The following RBFOX1 variants were observed in gnomAD, a reference collection of about 807,000 sequenced individuals.
RBFOX1 encodes RNA binding protein fox-1 homolog 1.
In RBFOX1, 8 loss-of-function variants were observed where a neutral mutation model predicts 57.7. The ratio of observed to expected loss-of-function variants is 0.14; its 90% CI spans 0.08 to 0.25. The LOEUF is 0.25. Ranked by LOEUF, RBFOX1 falls within the 10% of genes least tolerant of loss-of-function variation. The pLI, the probability that RBFOX1 is intolerant of heterozygous loss-of-function variation, is 1.00. For synonymous variants in RBFOX1, 326 were observed against 222.4 expected, an observed-to-expected ratio of 1.47 and a Z score of -4.15; for missense variants, 611 against 548.5, an observed-to-expected ratio of 1.11 and a Z score of -1.14.
rs201343175 is a variant in RBFOX1 at position 6,375,295 on chromosome 16, AAC to A, written c.-64+58240_-64+58241del. ...TTGTTTTGCCAGAGTGGGGAAAAAA[AAC>A]AAAAACAAAAACAAAAACCACCTTC... On this transcript the variant is annotated intron_variant, in intron 2 of 15. Coordinates refer to ENST00000550418, the MANE Select transcript of RBFOX1 (RefSeq NM_018723.4). 2.6e-3 allele frequency among the ~76,000 whole-genome samples: 383 copies of A among 150,172 alleles called. 5 individuals carry two copies. Among genetic ancestry groups the A allele is most frequent in the African/African-American group, 8.9e-3 (354 of 39,572 alleles).
chr16:6,527,238 A>G (rs2096593529), intron 2 of RBFOX1, among the ~76,000 whole-genome samples: 2 of 152,102 alleles, frequency 1.3e-5, no homozygotes, highest in African/African-American at 4.8e-5. Context: ...CCAGAAGTAA[A>G]GACGCGTTAC....
In RBFOX1 at chr16:7,471,912, G is replaced by C. The variant is rs376431525; in HGVS notation, c.28-46235G>C. 3.9e-5 allele frequency among the ~76,000 whole-genome samples: 6 copies of C among 152,102 alleles called. No individual in the cohort carries two copies. The East Asian group carries it at 1.2e-3, about 29-fold the overall frequency. On this transcript the variant is annotated intron_variant, in intron 4 of 15. Transcript: ENST00000550418. ...ATTCTATGCCATTTCCTGCTTCCAT[G>C]GGTCAAATGTCAGCACCGTTCAACA...
intron 1 of RBFOX1, among the ~76,000 whole-genome samples, chr16:5,384,723 G>A (rs2066214022): frequency 6.6e-6 from 1 of 152,186 alleles, no homozygotes; most frequent in Non-Finnish European, 1.5e-5. Context: ...TCAGGGGTTG[G>A]GCTTTTTGGC....
intron 4 of RBFOX1, among the ~76,000 whole-genome samples, chr16:7,409,891 C>A (rs114107337): frequency 6.6e-6 from 1 of 152,060 alleles, no homozygotes; most frequent in Non-Finnish European, 1.5e-5. Context: ...AATGGAGTTC[C>A]GGCAATGTCT....
intron 1 of RBFOX1, among the ~76,000 whole-genome samples, chr16:5,353,564 G>A (rs2065312498): frequency 6.6e-6 from 1 of 152,062 alleles, no homozygotes; most frequent in Admixed American, 6.5e-5. Flanking sequence ...ATTCTGGTGA[G>A]GTCGTTTTGG....
chr16:6,943,762 A>G lies in RBFOX1; in HGVS notation c.-15-108295A>G, dbSNP rs534594189. Among the ~76,000 whole-genome samples, 3 of 152,084 alleles carry G rather than the reference A, an allele frequency of 2.0e-5. No individual in the cohort carries two copies. The South Asian group carries it at 6.2e-4, about 32-fold the overall frequency. On this transcript the variant is annotated intron_variant, in intron 3 of 15. Transcript: ENST00000550418. ...TGTAACAATAGCTGAGTCTTGGCCA[A>G]TCCCAGCAGCTGAACTTCAACCACT...
intron 3 of RBFOX1, among the ~76,000 whole-genome samples, chr16:6,727,168 C>T (rs1211742932): frequency 1.3e-5 from 2 of 150,566 alleles, no homozygotes; most frequent in East Asian, 3.9e-4. Flanking sequence ...AGTCGCAATT[C>T]CATAGAAAGA....
intron 3 of RBFOX1, among the ~76,000 whole-genome samples, chr16:6,843,627 T>G (rs1484848702): frequency 1.3e-5 from 2 of 152,170 alleles, no homozygotes; most frequent in East Asian, 3.8e-4. Context: ...AGGTGGAGCT[T>G]GCAGTGAGCC....
At chr16:7,371,948 A>T (rs2097574339) in intron 4 of RBFOX1, among the ~76,000 whole-genome samples, 1 of 151,680 alleles carries the variant, frequency 6.6e-6, no homozygotes, top group Non-Finnish European at 1.5e-5. Context: ...TACCTTATTT[A>T]AGTCATTCCC....
intron 1 of RBFOX1, among the ~76,000 whole-genome samples, chr16:6,031,710 T>C (rs1286550712): frequency 1.3e-5 from 2 of 152,168 alleles, no homozygotes; most frequent in East Asian, 3.9e-4. Context: ...CCACGAACAG[T>C]ATGACAGTGG....
intron 2 of RBFOX1, among the ~76,000 whole-genome samples, chr16:6,376,625 C>T (rs548582166): frequency 2.5e-4 from 38 of 152,158 alleles, no homozygotes; most frequent in African/African-American, 3.9e-4. Flanking sequence ...GATTTTCTTC[C>T]GTTTGTGAAA....
chr16:5,490,487 G>C (rs979196355), intron 2 of RBFOX1, among the ~76,000 whole-genome samples: 1 of 152,202 alleles, frequency 6.6e-6, no homozygotes, highest in African/African-American at 2.4e-5. Context: ...CTGGGAACCT[G>C]GCGTTGCTAT....
At chr16:6,362,007 C>T (rs149862427) in intron 2 of RBFOX1, among the ~76,000 whole-genome samples, 2 of 152,198 alleles carry the variant, frequency 1.3e-5, no homozygotes, top group African/African-American at 4.8e-5. Flanking sequence ...CAAGCAAAGC[C>T]TTCATGCTCA....
chr16:7,243,871 A>T (rs1273472916), intron 4 of RBFOX1, among the ~76,000 whole-genome samples: 3 of 152,120 alleles, frequency 2.0e-5, no homozygotes, highest in South Asian at 4.1e-4. Flanking sequence ...GTTCTTAATG[A>T]TTATGTTATA....
intron 4 of RBFOX1, among the ~76,000 whole-genome samples, chr16:7,442,593 A>C (rs556869625): frequency 8.5e-5 from 13 of 152,144 alleles, no homozygotes; most frequent in Non-Finnish European, 1.6e-4. Flanking sequence ...AACTAGCTTC[A>C]GGCCTAAACA....
intron 3 of RBFOX1, among the ~76,000 whole-genome samples, chr16:5,767,798 C>T (rs924926020): frequency 3.9e-5 from 6 of 152,118 alleles, no homozygotes; most frequent in Non-Finnish European, 7.3e-5. Flanking sequence ...CTCAGCAGTA[C>T]CAAAATGAGG....
intron 3 of RBFOX1, among the ~76,000 whole-genome samples, chr16:6,915,364 G>C (rs1368530176): frequency 1.3e-5 from 2 of 152,138 alleles, no homozygotes; most frequent in East Asian, 1.9e-4. Context: ...CTACAGATTA[G>C]AAAGGAAACA....
At chr16:6,993,770 A>C (rs1296109716) in intron 3 of RBFOX1, among the ~76,000 whole-genome samples, 1 of 152,182 alleles carries the variant, frequency 6.6e-6, no homozygotes, top group East Asian at 1.9e-4. Flanking sequence ...GGGAGATCAT[A>C]AATCTGCCAT....
At chr16:6,984,472 C>G (rs1455046257) in intron 3 of RBFOX1, among the ~76,000 whole-genome samples, 1 of 152,106 alleles carries the variant, frequency 6.6e-6, no homozygotes, top group Non-Finnish European at 1.5e-5. Context: ...GATGAAGCCA[C>G]TGTTAGGCAG....
Sources: allele counts gnomAD v4.1 joint callset (sites outside exome capture counted in the v4.1 genomes callset), GRCh38; gene constraint gnomAD v4.1.1; transcripts MANE v1.5; gene names NCBI Gene and HGNC (gene_info 2026-07-23, HGNC 2026-07-21).